SCFD1: variants seen among roughly 807,000 people sequenced by gnomAD.
The protein encoded by SCFD1 is sec1 family domain containing 1.
Under a neutral mutation model 103.2 loss-of-function variants are expected in SCFD1, and 37 were observed. That is an observed-to-expected ratio of 0.36 (90% confidence interval 0.28 to 0.47). The LOEUF is 0.47. SCFD1 is among the 20% of genes least tolerant of loss of function. The pLI, the probability that SCFD1 is intolerant of heterozygous loss-of-function variation, is 1.00. For missense variants in SCFD1, 639 were observed against 761.2 expected, an observed-to-expected ratio of 0.84 and a Z score of 1.89; for synonymous variants, 264 against 245.0, an observed-to-expected ratio of 1.08 and a Z score of -0.73.
chr14:30,681,904 A>G (rs1889515411), intron 14 of SCFD1, among the ~76,000 whole-genome samples: 1 of 152,172 alleles, frequency 6.6e-6, no homozygotes, highest in Admixed American at 6.5e-5. Flanking sequence ...AATACAATTC[A>G]ATGAGAGCAG....
chr14:30,720,620 G>T (rs1344886346), intron 21 of SCFD1, among the ~76,000 whole-genome samples: 1 of 151,982 alleles, frequency 6.6e-6, no homozygotes, highest in Non-Finnish European at 1.5e-5. Flanking sequence ...TTTTTCTTGT[G>T]TTTATTCTCT....
At chr14:30,701,206 A>C (rs563385184) in intron 16 of SCFD1, among the ~76,000 whole-genome samples, 1 of 152,320 alleles carries the variant, frequency 6.6e-6, no homozygotes, top group African/African-American at 2.4e-5. Flanking sequence ...TAAGACAGCA[A>C]AACTAAACCT....
intron 17 of SCFD1, 90 bp from the exon 18 acceptor site, chr14:30,705,733 G>A (rs1891422039): frequency 1.1e-6 from 1 of 941,338 alleles, no homozygotes; most frequent in Non-Finnish European, 1.7e-6. Context: ...CATCATAGAA[G>A]TTAGAGTTAG....
intron 8 of SCFD1, among the ~76,000 whole-genome samples, chr14:30,650,218 C>T (rs2124159): frequency 0.039 from 5,942 of 152,188 alleles, 150 homozygotes; most frequent in South Asian, 0.067. Context: ...CCCAAGTCAA[C>T]GTTTTCTCCA....
At chr14:30,667,937 T>C (rs1888161014) in intron 10 of SCFD1, among the ~76,000 whole-genome samples, 1 of 152,208 alleles carries the variant, frequency 6.6e-6, no homozygotes, top group African/African-American at 2.4e-5. Flanking sequence ...TCCATGCTCA[T>C]GGATAGGAAG....
intron 1 of SCFD1, among the ~76,000 whole-genome samples, chr14:30,626,518 T>G (rs1883469539): frequency 6.6e-6 from 1 of 152,166 alleles, no homozygotes. Flanking sequence ...TTGGGTTGAA[T>G]GAAGGTTGCC....
At chr14:30,661,478 C>T (rs1887444875) in intron 10 of SCFD1, among the ~76,000 whole-genome samples, 1 of 152,096 alleles carries the variant, frequency 6.6e-6, no homozygotes, top group South Asian at 2.1e-4. Context: ...ATATATGTAT[C>T]TGTTGTAGAG....
At chr14:30,725,002 T>C (rs769466145) in intron 23 of SCFD1, among the ~76,000 whole-genome samples, 3 of 151,908 alleles carry the variant, frequency 2.0e-5, no homozygotes, top group Non-Finnish European at 2.9e-5. Flanking sequence ...AGGTATGCAG[T>C]CTTATTTCTT....
chr14:30,637,006 A>T (rs1566581782), intron 4 of SCFD1, among the ~76,000 whole-genome samples: 6 of 152,038 alleles, frequency 3.9e-5, no homozygotes, highest in African/African-American at 1.4e-4. Flanking sequence ...TCAGCCCAGG[A>T]TTCAGACATT....
chr14:30,684,078 A>T (rs143417948), intron 14 of SCFD1, among the ~76,000 whole-genome samples: 1 of 152,232 alleles, frequency 6.6e-6, no homozygotes, highest in African/African-American at 2.4e-5. Context: ...AATTACTTAT[A>T]GGAAGGAAAA....
At chr14:30,689,923 T>G (rs879444597) in intron 14 of SCFD1, among the ~76,000 whole-genome samples, 3,120 of 57,252 alleles carry the variant, frequency 0.054, no homozygotes, top group South Asian at 0.086. Flanking sequence ...TGTTCTGTTT[T>G]TTCCCCATCT....
chr14:30,623,024 T>G (rs908014117), intron 1 of SCFD1, among the ~76,000 whole-genome samples: 1 of 152,134 alleles, frequency 6.6e-6, no homozygotes, highest in Admixed American at 6.5e-5. Flanking sequence ...TTTATATAGC[T>G]TCTATTTATG....
At chr14:30,625,610 GGTATACCTATATAGGT>G (rs1883320700) in intron 1 of SCFD1, among the ~76,000 whole-genome samples, 2 of 68,218 alleles carry the variant, frequency 2.9e-5, no homozygotes, top group East Asian at 1.3e-3. Context: ...TATAGGTATA[GGTATACCTATATAGGT>G]ATAGGTATAT....
chr14:30,692,795 T>TA (rs1890409657), intron 14 of SCFD1, among the ~76,000 whole-genome samples: 1 of 152,184 alleles, frequency 6.6e-6, no homozygotes, highest in Non-Finnish European at 1.5e-5. Flanking sequence ...AGATAACAGC[T>TA]TTTCCCAAGC....
intron 23 of SCFD1, among the ~76,000 whole-genome samples, chr14:30,725,878 CT>C (rs954768242): frequency 1.3e-5 from 2 of 152,160 alleles, no homozygotes; most frequent in Non-Finnish European, 2.9e-5. Flanking sequence ...TGCAAACCGT[CT>C]CTATAAACGG....
chr14:30,706,004 G>T, intron 18 of SCFD1, 119 bp downstream of exon 18: 2 of 726,156 alleles, frequency 2.8e-6, no homozygotes, highest in Non-Finnish European at 4.6e-6. Flanking sequence ...TGCCTTTGGT[G>T]ACATTTAGAT....
intron 18 of SCFD1, among the ~76,000 whole-genome samples, chr14:30,706,860 C>T (rs1891501399): frequency 6.6e-6 from 1 of 152,180 alleles, no homozygotes; most frequent in Admixed American, 6.5e-5. Context: ...AGCACTCAGC[C>T]TTATAAGTAC....
At chr14:30,722,834 C>A (rs1892745369) in intron 23 of SCFD1, 2 of 231,424 alleles carry the variant, frequency 8.6e-6, no homozygotes, top group African/African-American at 2.3e-5. Context: ...TGCTTAGAGA[C>A]CTCTTCCCAA....
chr14:30,711,707 CTT>C lies in SCFD1; in HGVS notation c.1629+3643_1629+3644del, dbSNP rs1043283033. Among the ~76,000 whole-genome samples, 6 of 151,914 alleles carry C rather than the reference CTT, an allele frequency of 3.9e-5. No homozygotes were observed. The East Asian group carries it at 5.8e-4, about 15-fold the overall frequency. On this transcript the variant is annotated intron_variant, in intron 19 of 24. Transcript: ENST00000458591. ...CACTGTTAATTATGTAATATTATAA[CTT>C]ATAAATTATTTAATAATTATTAAAT... is the stretch of plus-strand genomic sequence containing the variant.
Sources: allele counts gnomAD v4.1 joint callset (sites outside exome capture counted in the v4.1 genomes callset), GRCh38; gene constraint gnomAD v4.1.1; transcripts MANE v1.5; gene names NCBI Gene and HGNC (gene_info 2026-07-23, HGNC 2026-07-21).